Variants in BLM observed in about 807,000 individuals in gnomAD.
The protein encoded by BLM is recQ-like DNA helicase BLM.
A neutral mutation model predicts 135.3 loss-of-function variants in BLM; 95 were observed. That is an observed-to-expected ratio of 0.70 (90% CI 0.59 to 0.83). BLM has a LOEUF of 0.83. Ranked by LOEUF, BLM falls within the 40% of genes least tolerant of loss-of-function variation. The pLI is 0.00. For synonymous variants in BLM, 520 were observed against 589.2 expected, an observed-to-expected ratio of 0.88 and a Z score of 1.70; for missense variants, 1,518 against 1,663.9, an observed-to-expected ratio of 0.91 and a Z score of 1.53.
At chr15:90,754,471 A>G (rs1445987041) in intron 4 of BLM, among the ~76,000 whole-genome samples, 1 of 152,228 alleles carries the variant, frequency 6.6e-6, no homozygotes, top group Non-Finnish European at 1.5e-5. Context: ...TTGGGTACGA[A>G]GAGATTGGAA....
At position 90,815,194 on chromosome 15, in the gene BLM, CA is replaced by C; in HGVS notation, c.4170del (p.Gly1391GlufsTer15). 6.2e-7 allele frequency: 1 copy of C among 1,614,210 alleles called. No homozygotes were observed. The highest frequency in any genetic ancestry group is 8.5e-7 in the Non-Finnish European group (1 of 1,180,034). On this transcript the variant is annotated frameshift_variant, in exon 22 of 22. Transcript: ENST00000355112. LOFTEE classifies it high-confidence loss of function. This position sits in a 1 kb window ranked among gnomAD's most constrained non-coding sequence, Gnocchi z 4.6. ...GCCTCACATACTTCTCAAGCGACATCAGGAGCCAATAGCAAATTGGGGATTA... is the reference window on the plus strand; with the variant it reads ...GCCTCACATACTTCTCAAGCGACATCGGAGCCAATAGCAAATTGGGGATTA... ...SSASHTSQATSGANSKLGIMA... is the reference protein window; with the variant it reads ...SSASHTSQATXGANSKLGIMA...
intron 12 of BLM, among the ~76,000 whole-genome samples, chr15:90,770,763 A>G (rs1384327126): frequency 2.0e-5 from 3 of 152,240 alleles, no homozygotes; most frequent in Non-Finnish European, 4.4e-5. Flanking sequence ...AGCTGGTGCT[A>G]TAAATATTAT....
intron 16 of BLM, among the ~76,000 whole-genome samples, chr15:90,795,362 C>G (rs1157793186): frequency 6.6e-6 from 1 of 152,166 alleles, no homozygotes; most frequent in Non-Finnish European, 1.5e-5. Context: ...TGCCTGTAAT[C>G]CCAGCTACTT....
chr15:90,784,836 C>A, intron 13 of BLM, 85 bp from the exon 14 acceptor site: 1 of 1,395,422 alleles, frequency 7.2e-7, no homozygotes, highest in South Asian at 1.2e-5. Context: ...ATTTATGGTT[C>A]ATATATTTCT....
chr15:90,752,873 G>C (rs1171724659), intron 4 of BLM, among the ~76,000 whole-genome samples: 1 of 152,120 alleles, frequency 6.6e-6, no homozygotes, highest in Non-Finnish European at 1.5e-5. Flanking sequence ...CATTTACCAG[G>C]TGAAACAGCT....
chr15:90,755,105 GC>G (rs1895784140), intron 5 of BLM, 167 bp downstream of exon 5: 25 of 831,178 alleles, frequency 3.0e-5, no homozygotes, highest in Non-Finnish European at 4.6e-5. Context: ...GCCAGCATTT[GC>G]CTGAACAACT....
chr15:90,779,022 A>G (rs1896552508), intron 12 of BLM, among the ~76,000 whole-genome samples: 2 of 151,770 alleles, frequency 1.3e-5, no homozygotes, highest in Admixed American at 1.3e-4. Context: ...AGTAGCTGAG[A>G]CTACAGGTGT....
intron 21 of BLM, among the ~76,000 whole-genome samples, chr15:90,814,662 T>A (rs1000028199): frequency 3.9e-5 from 6 of 152,214 alleles, no homozygotes; most frequent in Non-Finnish European, 7.4e-5. Context: ...TGCCTTGCTC[T>A]GGACTGTGCA....
At position 90,790,744 on chromosome 15, in the gene BLM, C is replaced by T. The variant is rs181161119; in HGVS notation, c.2919C>T (p.Tyr973=). 1.3e-4 allele frequency: 213 copies of T among 1,614,136 alleles called. No homozygotes were observed. In the Admixed American group the frequency reaches 2.4e-3, roughly 18 times the overall value. ...CTCTCCCTAAATCTGTGGAGGGTTACTACCAAGAATCTGGCAGAGCTGGAA... is the reference window on the plus strand; with the variant it reads ...CTCTCCCTAAATCTGTGGAGGGTTATTACCAAGAATCTGGCAGAGCTGGAA... ...HASLPKSVEG[Y]YQESGRAGRD... The change falls in exon 15 of 22, where the codon TAC becomes TAT. Residue 973 remains tyrosine, a synonymous_variant. Transcript: ENST00000355112.
intron 17 of BLM, among the ~76,000 whole-genome samples, chr15:90,799,598 G>T (rs1487941890): frequency 8.4e-6 from 1 of 119,222 alleles, no homozygotes; most frequent in African/African-American, 3.2e-5. Context: ...GGATTAAAAT[G>T]CTCACTGAAT....
At chr15:90,811,146 C>G (rs1269112381) in intron 20 of BLM, 59 bp from the exon 21 acceptor site, 3 of 1,581,710 alleles carry the variant, frequency 1.9e-6, no homozygotes, top group Non-Finnish European at 2.6e-6. Flanking sequence ...TTCATATACA[C>G]TAAAAACACG....
Position 90,751,795 on chromosome 15 carries a change from G to A in BLM, c.808G>A (p.Glu270Lys), listed in dbSNP as rs762053925. Residue 270 changes from glutamate (E) to lysine (K), a missense_variant, in exon 4 of 22, where the codon GAA becomes AAA. Physicochemically the swap from Glu to Lys is moderately conservative, Grantham distance 56. Coordinates refer to ENST00000355112, the MANE Select transcript of BLM (RefSeq NM_000057.4). The stretch of plus-strand genomic sequence containing the variant: ...CAACTGTTTTACTGTAGATAATAGC[G>A]AAAAGAAGAAGAATTTGGAAGAAGC... ...THLEDERDNSEKKKNLEEAEL... is the reference protein window; with the variant it reads ...THLEDERDNSKKKKNLEEAEL... The A allele has an allele frequency of 3.0e-5, 49 of 1,611,462 alleles. No homozygotes were observed. Among genetic ancestry groups the A allele is most frequent in the South Asian group, 1.6e-4 (15 of 90,954 alleles).
intron 4 of BLM, among the ~76,000 whole-genome samples, chr15:90,752,368 G>A (rs2151150165): frequency 6.6e-6 from 1 of 152,170 alleles, no homozygotes. Context: ...GTAGAGACGA[G>A]GTTTTGCCAT....
intron 19 of BLM, among the ~76,000 whole-genome samples, chr15:90,807,916 A>G (rs968709344): frequency 6.6e-6 from 1 of 152,358 alleles, no homozygotes; most frequent in East Asian, 1.9e-4. Context: ...AAGCATGAGC[A>G]GTAACAACCG....
chr15:90,728,948 G>C (rs960707425), intron 1 of BLM, among the ~76,000 whole-genome samples: 5 of 151,962 alleles, frequency 3.3e-5, no homozygotes, highest in African/African-American at 1.2e-4. Context: ...GGGAGGCCAA[G>C]GTGGGAGTAT....
At chr15:90,790,893 A>G (rs755945762) in intron 15 of BLM, 49 bp downstream of exon 15, 2 of 1,538,646 alleles carry the variant, frequency 1.3e-6, no homozygotes, top group East Asian at 4.5e-5. Flanking sequence ...CAGCCTCATG[A>G]TAGTAGTCTA....
chr15:90,776,983 G>A (rs770479397), intron 12 of BLM, among the ~76,000 whole-genome samples: 11 of 103,386 alleles, frequency 1.1e-4, no homozygotes, highest in Non-Finnish European at 1.8e-4. Context: ...TTCTTTGTGG[G>A]TTTTGTTTTG....
rs1742694252 is a variant in BLM, at chr15:90,815,914, C to G, written c.*635C>G. The stretch of plus-strand genomic sequence containing the variant: ...CCAACATGGTGAAACCCCGTCTCTA[C>G]TAAAAATACAAAAATTAGCCAGGCG... On this transcript the variant is annotated 3_prime_UTR_variant, in exon 22 of 22. Transcript: ENST00000355112. The surrounding 1 kb of genome is among the most constrained non-coding windows in gnomAD (Gnocchi z 4.6). 1 of 152,524 alleles carries G rather than the reference C, an allele frequency of 6.6e-6. No homozygotes were observed. The highest frequency in any genetic ancestry group is 1.5e-5 in the Non-Finnish European group (1 of 68,488). The allele number at this position is 152,524 out of a possible 1,614,324, so 9.4% of individuals were successfully genotyped here.
intron 14 of BLM, among the ~76,000 whole-genome samples, chr15:90,786,335 C>T (rs1322544318): frequency 1.3e-5 from 2 of 152,036 alleles, no homozygotes; most frequent in Non-Finnish European, 2.9e-5. Context: ...TGAGCATTCA[C>T]GTACAAGTTT....
Sources: allele counts gnomAD v4.1 joint callset (sites outside exome capture counted in the v4.1 genomes callset), GRCh38; gene constraint gnomAD v4.1.1; non-coding constraint Gnocchi (gnomAD v3.1); transcripts MANE v1.5; gene names NCBI Gene and HGNC (gene_info 2026-07-23, HGNC 2026-07-21).